The following PUDP variants were observed in gnomAD, a reference collection of about 807,000 sequenced individuals.
PUDP encodes the protein pseudouridine-5'-phosphatase.
In PUDP, 8 loss-of-function variants were observed where a neutral mutation model predicts 9.4. The observed-to-expected ratio is 0.85, with a 90% CI of 0.50 to 1.53. The LOEUF (loss-of-function observed/expected upper bound fraction) is 1.53. Ranked by LOEUF, PUDP falls within the 40% of genes most tolerant of loss-of-function variation. The pLI is 0.00. For synonymous variants in PUDP, 99 were observed against 80.7 expected (o/e 1.23, Z -1.22); for missense variants, 188 against 189.7 (o/e 0.99, Z 0.05).
At chrX:6,964,794 C>T (rs138667876) in intron 3 of PUDP, among the ~76,000 whole-genome samples, 3,475 of 111,742 alleles carry the variant, frequency 0.031, 60 homozygotes, top group East Asian at 0.15. Flanking sequence ...AGATACGATC[C>T]TTTCCCCCAA....
chrX:6,905,243 C>T (rs6529997), intron 3 of PUDP, among the ~76,000 whole-genome samples: 47,286 of 110,407 alleles, frequency 0.43, 8,533 homozygotes, highest in African/African-American at 0.65. Flanking sequence ...ATTCACTGGA[C>T]TCTGAGGCTC....
intron 3 of PUDP, among the ~76,000 whole-genome samples, chrX:6,819,981 A>AT: frequency 9.4e-6 from 1 of 106,737 alleles, no homozygotes; most frequent in East Asian, 3.0e-4. Flanking sequence ...AAATATATAT[A>AT]TTTTTTTCGC....
At chrX:6,714,858 T>C (rs1924579390) in intron 1 of PUDP, among the ~76,000 whole-genome samples, 1 of 111,468 alleles carries the variant, frequency 9.0e-6, no homozygotes, top group Non-Finnish European at 1.9e-5. Flanking sequence ...TAACACATCA[T>C]TGTCACCACT....
At chrX:6,710,087 C>T (rs1273593439) in intron 1 of PUDP, among the ~76,000 whole-genome samples, 1 of 112,163 alleles carries the variant, frequency 8.9e-6, no homozygotes, top group African/African-American at 3.2e-5. Flanking sequence ...AGTGCCACTG[C>T]ACTCCAGCCT....
At chrX:7,085,070 A>G (rs754439159) in intron 2 of PUDP, 2 of 112,076 alleles carry the variant, frequency 1.8e-5, no homozygotes, top group East Asian at 5.6e-4. Flanking sequence ...GGTATAGCAC[A>G]TGGAGGCAGG....
At chrX:6,731,535 C>A (rs1386725809) in intron 3 of PUDP, among the ~76,000 whole-genome samples, 1 of 111,812 alleles carries the variant, frequency 8.9e-6, no homozygotes, top group African/African-American at 3.3e-5. Flanking sequence ...TGGTTCTTGG[C>A]TGTTCCTGTT....
At chrX:6,922,209 T>A (rs1928035217) in intron 3 of PUDP, among the ~76,000 whole-genome samples, 1 of 111,401 alleles carries the variant, frequency 9.0e-6, no homozygotes, top group Non-Finnish European at 1.9e-5. Context: ...AGAATAACTA[T>A]AATGAATAAT....
intron 1 of PUDP, among the ~76,000 whole-genome samples, chrX:7,040,838 C>T (rs1470652095): frequency 2.7e-5 from 3 of 110,344 alleles, no homozygotes; most frequent in Non-Finnish European, 5.7e-5. Flanking sequence ...TTCCTAAGAC[C>T]CCCTCTCCCC....
At chrX:6,922,636 C>T (rs112856059) in intron 3 of PUDP, among the ~76,000 whole-genome samples, 6,355 of 111,425 alleles carry the variant, frequency 0.057, 300 homozygotes, top group African/African-American at 0.16. Context: ...TTCCCATCCT[C>T]ACTCTCAGCT....
At chrX:6,751,258 C>G (rs991572441) in intron 3 of PUDP, among the ~76,000 whole-genome samples, 6 of 111,989 alleles carry the variant, frequency 5.4e-5, no homozygotes, top group African/African-American at 1.6e-4. Flanking sequence ...AAAAAGAATA[C>G]TACGTTCTTT....
chrX:6,971,175 G>A (rs1020246475), intron 3 of PUDP, among the ~76,000 whole-genome samples: 4 of 111,626 alleles, frequency 3.6e-5, no homozygotes, highest in Non-Finnish European at 7.5e-5. Flanking sequence ...TGCGCCACCT[G>A]ACAGATCCAT....
chrX:6,772,566 C>A (rs968243934), intron 3 of PUDP, among the ~76,000 whole-genome samples: 1 of 108,021 alleles, frequency 9.3e-6, no homozygotes, highest in Non-Finnish European at 1.9e-5. Context: ...TTGATATTTC[C>A]AGCCATTCCC....
chrX:6,887,100 A>T (rs1259574460), intron 3 of PUDP, among the ~76,000 whole-genome samples: 1 of 99,192 alleles, frequency 1.0e-5, no homozygotes, highest in African/African-American at 3.5e-5. Context: ...ATTATATATA[A>T]TATATAATAT....
intron 3 of PUDP, among the ~76,000 whole-genome samples, chrX:6,824,224 G>A (rs1417654609): frequency 9.0e-6 from 1 of 111,239 alleles, no homozygotes; most frequent in Non-Finnish European, 1.9e-5. Flanking sequence ...CCCCCCTTTT[G>A]CTCGACACTT....
intron 3 of PUDP, among the ~76,000 whole-genome samples, chrX:6,901,682 C>T (rs753873012): frequency 1.2e-4 from 14 of 112,361 alleles, no homozygotes; most frequent in African/African-American, 4.2e-4. Context: ...CCACTGGGTG[C>T]GATGCATCAC....
chrX:6,887,372 G>A (rs762763386), intron 3 of PUDP, among the ~76,000 whole-genome samples: 1 of 109,252 alleles, frequency 9.2e-6, no homozygotes, highest in East Asian at 2.8e-4. Flanking sequence ...TATTTTAATG[G>A]TAGAAATATC....
intron 1 of PUDP, among the ~76,000 whole-genome samples, chrX:6,707,343 C>T (rs1161692886): frequency 1.8e-5 from 2 of 111,530 alleles, no homozygotes; most frequent in African/African-American, 6.5e-5. Context: ...CCATGGACTG[C>T]AGTGGGGATA....
chrX:7,032,202 C>T (rs1929801129), intron 1 of PUDP, among the ~76,000 whole-genome samples: 2 of 112,151 alleles, frequency 1.8e-5, no homozygotes, highest in African/African-American at 6.5e-5. Context: ...CCATAAGATA[C>T]TCATACCCAT....
At chrX:6,906,289 G>A in intron 3 of PUDP, among the ~76,000 whole-genome samples, 1 of 111,685 alleles carries the variant, frequency 9.0e-6, no homozygotes. Flanking sequence ...ACGACAACAG[G>A]CACAAGTTTC....
Sources: allele counts gnomAD v4.1 joint callset (sites outside exome capture counted in the v4.1 genomes callset), GRCh38; gene constraint gnomAD v4.1.1; transcripts MANE v1.5; gene names NCBI Gene and HGNC (gene_info 2026-07-23, HGNC 2026-07-21).